The following RYR2 variants were observed in gnomAD, a reference collection of about 807,000 sequenced individuals.
RYR2 encodes the protein ryanodine receptor 2, also known as cardiac muscle ryanodine receptor-calcium release channel.
In RYR2, 227 loss-of-function variants were observed where a neutral mutation model predicts 601.1. The observed-to-expected ratio is 0.38, with a 90% CI of 0.34 to 0.42. RYR2 has a LOEUF of 0.42. RYR2 is among the 10% of genes least tolerant of loss of function. The pLI is 1.00. For missense variants in RYR2, 4,646 were observed against 6,156.5 expected, an observed-to-expected ratio of 0.75 and a Z score of 8.21; for synonymous variants, 2,223 against 2,175.1, an observed-to-expected ratio of 1.02 and a Z score of -0.61.
In RYR2 at chr1:237,658,490, C is replaced by A. The variant is rs115918424; in HGVS notation, c.8208+468C>A. 2.0e-3 allele frequency among the ~76,000 whole-genome samples: 299 copies of A among 152,256 alleles called. 1 individual carries two copies. Among genetic ancestry groups the A allele is most frequent in the Middle Eastern group, 6.8e-3 (2 of 294 alleles). On this transcript the variant is annotated intron_variant, in intron 54 of 104. Coordinates refer to ENST00000366574, the MANE Select transcript of RYR2 (RefSeq NM_001035.3). ...CACTGCAGCCTGGAACTACCGGGCT[C>A]GAGCAATCCTCCTGCCTCAACCGCC... is the stretch of plus-strand genomic sequence containing the variant.
At chr1:237,754,526 T>C (rs1428814520) in intron 80 of RYR2, among the ~76,000 whole-genome samples, 4 of 152,326 alleles carry the variant, frequency 2.6e-5, no homozygotes, top group Middle Eastern at 3.4e-3. Flanking sequence ...ATTAGGTCAA[T>C]AGAAGAACTT....
intron 29 of RYR2, among the ~76,000 whole-genome samples, chr1:237,578,385 A>C (rs945993357): frequency 1.8e-4 from 27 of 152,284 alleles, no homozygotes; most frequent in African/African-American, 5.8e-4. Context: ...GAACTCCCCA[A>C]GCAAAATGAA....
chr1:237,053,431 G>A (rs1661538383), intron 1 of RYR2, among the ~76,000 whole-genome samples: 2 of 152,106 alleles, frequency 1.3e-5, no homozygotes, highest in Admixed American at 6.5e-5. Flanking sequence ...TGAAGATGGG[G>A]GTGTCATTAT....
intron 17 of RYR2, among the ~76,000 whole-genome samples, chr1:237,483,668 G>A (rs1662364284): frequency 6.6e-6 from 1 of 152,132 alleles, no homozygotes. Context: ...TTTCATTTAG[G>A]AATGCAAATG....
chr1:237,151,707 T>G (rs185089707), intron 1 of RYR2, among the ~76,000 whole-genome samples: 1 of 152,346 alleles, frequency 6.6e-6, no homozygotes, highest in East Asian at 1.9e-4. Context: ...GACGTCATGA[T>G]GACTGCTGAA....
At chr1:237,228,079 G>T (rs530024524) in intron 1 of RYR2, among the ~76,000 whole-genome samples, 8 of 152,004 alleles carry the variant, frequency 5.3e-5, no homozygotes, top group African/African-American at 1.7e-4. Context: ...CATCACCCGA[G>T]CAACATACAC....
intron 1 of RYR2, among the ~76,000 whole-genome samples, chr1:237,097,093 T>G (rs1667576371): frequency 6.6e-6 from 1 of 152,214 alleles, no homozygotes. Flanking sequence ...ATATGTATTT[T>G]CTCTTCTTTT....
chr1:237,561,692 C>G (rs1671472706), intron 27 of RYR2, among the ~76,000 whole-genome samples: 1 of 152,072 alleles, frequency 6.6e-6, no homozygotes, highest in Non-Finnish European at 1.5e-5. Flanking sequence ...GCAAACTCAG[C>G]TAAGAAATGT....
chr1:237,294,056 A>T, intron 2 of RYR2, among the ~76,000 whole-genome samples: 1 of 152,174 alleles, frequency 6.6e-6, no homozygotes, highest in Non-Finnish European at 1.5e-5. Flanking sequence ...CGAACAAAAA[A>T]GGATATTTTT....
At chr1:237,470,112 A>G (rs1162602250) in intron 17 of RYR2, among the ~76,000 whole-genome samples, 1 of 152,154 alleles carries the variant, frequency 6.6e-6, no homozygotes, top group Admixed American at 6.5e-5. Context: ...CTCTTATGTT[A>G]CTTATTTTTC....
chr1:237,293,763 A>G (rs921300397), intron 2 of RYR2, among the ~76,000 whole-genome samples: 12 of 152,190 alleles, frequency 7.9e-5, no homozygotes, highest in Admixed American at 4.6e-4. Flanking sequence ...TGTCCAGCGC[A>G]TTACCCTCCA....
intron 80 of RYR2, among the ~76,000 whole-genome samples, chr1:237,746,984 T>G (rs960531144): frequency 6.6e-6 from 1 of 152,148 alleles, no homozygotes; most frequent in East Asian, 1.9e-4. Context: ...ATGATTTTAT[T>G]AAAAAAACTC....
intron 1 of RYR2, among the ~76,000 whole-genome samples, chr1:237,105,319 T>C (rs1668541604): frequency 6.6e-6 from 1 of 152,108 alleles, no homozygotes; most frequent in South Asian, 2.1e-4. Flanking sequence ...TTGCATTGCA[T>C]GTTAGAAGAT....
chr1:237,195,199 GA>G (rs576252618), intron 1 of RYR2, among the ~76,000 whole-genome samples: 197 of 152,186 alleles, frequency 1.3e-3, no homozygotes, highest in African/African-American at 4.6e-3. Context: ...AGAAAATGCA[GA>G]AAAATAAACT....
chr1:237,597,238 A>T (rs1675988148), intron 34 of RYR2, among the ~76,000 whole-genome samples: 1 of 152,002 alleles, frequency 6.6e-6, no homozygotes, highest in South Asian at 2.1e-4. Flanking sequence ...ATATAGAGAG[A>T]TGTAAATTAA....
rs1357269788 is a variant in RYR2 at position 237,508,842 on chromosome 1, A to G, written c.2718+2028A>G. ...ACTGCAAGCTCCGCCTCCCGGGTTC[A>G]CGCCATTCTCCTGCCTCAGCCTCCC... On this transcript the variant is annotated intron_variant, in intron 23 of 104. Coordinates refer to ENST00000366574, the MANE Select transcript of RYR2 (RefSeq NM_001035.3). Among the ~76,000 whole-genome samples the G allele has an allele frequency of 9.3e-5, 13 of 139,952 alleles. No individual in the cohort carries two copies. The South Asian group carries it at 2.9e-3, about 32-fold the overall frequency. 91.8% of individuals were successfully genotyped at this position (139,952 alleles called of 152,430 possible).
chr1:237,380,385 T>TACAC lies in RYR2; in HGVS notation c.576+2951_576+2952insCACA, dbSNP rs1558717913. Among the ~76,000 whole-genome samples the TACAC allele has an allele frequency of 1.6e-4, 4 of 24,590 alleles. No homozygotes were observed. The East Asian group carries it at 7.9e-3, about 48-fold the overall frequency. The allele number at this position is 24,590 out of a possible 152,430, so 16.1% of individuals were successfully genotyped here. On this transcript the variant is annotated intron_variant, in intron 8 of 104. Coordinates refer to ENST00000366574, the MANE Select transcript of RYR2 (RefSeq NM_001035.3). ...ATATATATATATATATATATATATA[T>TACAC]ATATATATATATATATATATATATA...
rs1384438106 is a variant in RYR2 at position 237,590,721 on chromosome 1, A to T, written c.3889A>T (p.Thr1297Ser). 6.2e-7 allele frequency: 1 copy of T among 1,610,870 alleles called. No individual in the cohort carries two copies. The highest frequency in any genetic ancestry group is 8.5e-7 in the Non-Finnish European group (1 of 1,177,822). ...GTCTTTTGGTTCTCAGAACAGCAAC[A>T]CTGATATCATGTTTTATCGCCTGAG... is the stretch of plus-strand genomic sequence containing the variant. ...QKSFGSQNSN[T>S]DIMFYRLSMP... Residue 1297 changes from threonine to serine, a missense_variant, in exon 31 of 105, where the codon ACT becomes TCT. By Grantham distance (58) the Thr-to-Ser change is moderately conservative. Coordinates refer to ENST00000366574, the MANE Select transcript of RYR2 (RefSeq NM_001035.3).
chr1:237,827,922 A>G (rs575146352), intron 101 of RYR2, among the ~76,000 whole-genome samples: 18 of 135,396 alleles, frequency 1.3e-4, no homozygotes, highest in Non-Finnish European at 1.9e-4. Flanking sequence ...GGGTGACAGA[A>G]TGAGACTCCG....
Sources: gnomAD v4.1 joint callset for allele counts (sites outside exome capture counted in the v4.1 genomes callset) on GRCh38, gnomAD v4.1.1 for gene constraint, MANE v1.5 for transcripts, NCBI Gene and HGNC (gene_info 2026-07-23, HGNC 2026-07-21) for gene names.